Variants in OTOF observed in about 807,000 individuals in gnomAD.
OTOF encodes the protein otoferlin.
A neutral mutation model predicts 236.8 loss-of-function variants in OTOF; 218 were observed. The ratio of observed to expected loss-of-function variants is 0.92; its 90% CI spans 0.82 to 1.03. The LOEUF (loss-of-function observed/expected upper bound fraction) is 1.03. Among genes scored for constraint, OTOF ranks in the 50% least tolerant of loss-of-function variants. The pLI is 0.00. For missense variants in OTOF, 2,590 were observed against 2,694.4 expected (o/e 0.96, Z 0.86); for synonymous variants, 1,041 against 1,072.5 (o/e 0.97, Z 0.57).
At chr2:26,529,913 G>A (rs917913473) in intron 2 of OTOF, among the ~76,000 whole-genome samples, 9 of 152,226 alleles carry the variant, frequency 5.9e-5, no homozygotes, top group African/African-American at 1.9e-4. Flanking sequence ...CGGCCCACAG[G>A]CCTCATTCAG....
chr2:26,557,062 G>C (rs551235995), intron 1 of OTOF, among the ~76,000 whole-genome samples: 1 of 152,108 alleles, frequency 6.6e-6, no homozygotes, highest in Non-Finnish European at 1.5e-5. Context: ...CCTAACCTCC[G>C]CCTGCCGGCA....
chr2:26,472,481 G>A (rs773322638), intron 30 of OTOF, 38 bp downstream of exon 30: 20 of 1,612,718 alleles, frequency 1.2e-5, no homozygotes, highest in Admixed American at 3.3e-5. Context: ...GAAGTTGCAT[G>A]TTCCCAGCCA....
At chr2:26,518,569 G>A (rs1229748170) in intron 4 of OTOF, among the ~76,000 whole-genome samples, 1 of 152,254 alleles carries the variant, frequency 6.6e-6, no homozygotes, top group African/African-American at 2.4e-5. Context: ...GTGCACGCGT[G>A]CTCACGCAAA....
chr2:26,537,991 C>T (rs1667116274), intron 1 of OTOF, among the ~76,000 whole-genome samples: 2 of 152,212 alleles, frequency 1.3e-5, no homozygotes, highest in Admixed American at 6.5e-5. Flanking sequence ...GGGTCAAAGG[C>T]CATGAGTTCC....
intron 1 of OTOF, 135 bp downstream of exon 1, chr2:26,558,358 A>G (rs576289728): frequency 3.6e-5 from 27 of 757,484 alleles, no homozygotes; most frequent in Non-Finnish European, 5.5e-5. Flanking sequence ...ACCTGTGAAA[A>G]GGCTCGTCGC....
At position 26,467,044 on chromosome 2, in the gene OTOF, TG is replaced by T. The variant is rs3215308; in HGVS notation, c.4362+54del. The T allele has an allele frequency of 0.077, 99,773 of 1,301,636 alleles. 14,500 individuals carry two copies. Among genetic ancestry groups the T allele is most frequent in the African/African-American group, 0.62 (42,893 of 69,258 alleles). 80.6% of individuals were successfully genotyped at this position (1,301,636 alleles called of 1,614,324 possible). Reference sequence around the variant, plus strand: ...GGTGGGAGGTGAGTGGGGGAACCTGTGGGGGGGGCAAGGGCTGGCGGGTGCT... The same window carrying T: ...GGTGGGAGGTGAGTGGGGGAACCTGTGGGGGGGCAAGGGCTGGCGGGTGCT... On this transcript the variant is annotated intron_variant, in intron 35 of 46. Transcript: ENST00000272371.
Position 26,460,112 on chromosome 2 carries a change from C to A in OTOF, c.5907G>T (p.Leu1969=). 6.3e-7 allele frequency: 1 copy of A among 1,590,258 alleles called. No individual in the cohort carries two copies. Among genetic ancestry groups the A allele is most frequent in the East Asian group, 2.3e-5 (1 of 44,104 alleles). The change falls in exon 46 of 47, where the codon CTG becomes CTT. Residue 1969 remains leucine, a synonymous_variant. Coordinates refer to ENST00000272371, the MANE Select transcript of OTOF (RefSeq NM_194248.3). This position sits in a 1 kb window ranked among gnomAD's most constrained non-coding sequence, Gnocchi z 5.3. ...GGAGGAGCAGCAGCAGGAGCAGCAA[C>A]AGTTTGAGGAGCAGCCAGCGATACG... is the stretch of plus-strand genomic sequence containing the variant. ...WHTYRWLLLK[L]LLLLLLLLLL...
chr2:26,479,128 A>G, intron 18 of OTOF, 136 bp downstream of exon 18: 1 of 1,140,030 alleles, frequency 8.8e-7, no homozygotes, highest in Non-Finnish European at 1.2e-6. Context: ...GGGGCTGAGA[A>G]TGGGAACAGA....
At chr2:26,484,439 C>G (rs371481715) in intron 12 of OTOF, 35 bp downstream of exon 12, 7 of 1,613,080 alleles carry the variant, frequency 4.3e-6, no homozygotes, top group South Asian at 1.1e-5. Flanking sequence ...GAAGGGCTGG[C>G]TCAGACTCCA....
Position 26,462,236 on chromosome 2 carries a change from G to A in OTOF, c.5193-55C>T. 2 of 1,495,284 alleles carry A rather than the reference G, an allele frequency of 1.3e-6. No homozygotes were observed. The highest frequency in any genetic ancestry group is 1.1e-5 in the South Asian group (1 of 88,716). The allele number at this position is 1,495,284 out of a possible 1,614,324, so 92.6% of individuals were successfully genotyped here. A position where few individuals can be genotyped will look rare whatever the true frequency, so the allele number is the denominator to read the frequency against. On this transcript the variant is annotated intron_variant, in intron 41 of 46. Transcript: ENST00000272371. This position sits in a 1 kb window ranked among gnomAD's most constrained non-coding sequence, Gnocchi z 4.7. ...AGCCCCAGGTGGGGGTTATGCCAGG[G>A]TGCCAGGGCTGGGATGGGGCAGGCG...
At chr2:26,515,164 G>A (rs56131985) in intron 5 of OTOF, among the ~76,000 whole-genome samples, 11,681 of 152,312 alleles carry the variant, frequency 0.077, 480 homozygotes, top group African/African-American at 0.11. Context: ...CTTTGCAGGT[G>A]AGGAGAGAGG....
chr2:26,472,537 G>A lies in OTOF; in HGVS notation c.3846C>T (p.Thr1282=), dbSNP rs1207625275. Residue 1282 remains threonine, a synonymous_variant, in exon 30 of 47, where the codon ACC becomes ACT. Coordinates refer to ENST00000272371, the MANE Select transcript of OTOF (RefSeq NM_194248.3). ...GCCTTACCGCGTCCAGCTTCACCAT[G>A]GTCTCCAGTTTCTTGATGGGTACCT... ...EPEVPIKKLE[T]MVKLDATSEA... is the part of the protein sequence containing the mutation. The A allele has an allele frequency of 6.2e-7, 1 of 1,613,534 alleles. No individual in the cohort carries two copies. Among genetic ancestry groups the A allele is most frequent in the Non-Finnish European group, 8.5e-7 (1 of 1,180,024 alleles).
chr2:26,503,415 C>T (rs1029903302), intron 6 of OTOF, among the ~76,000 whole-genome samples: 1 of 152,260 alleles, frequency 6.6e-6, no homozygotes, highest in Admixed American at 6.5e-5. Flanking sequence ...CCGCCGACCC[C>T]GTACTAGTGG....
At chr2:26,546,562 G>T (rs1287667677) in intron 1 of OTOF, among the ~76,000 whole-genome samples, 2 of 151,868 alleles carry the variant, frequency 1.3e-5, no homozygotes, top group African/African-American at 4.8e-5. Flanking sequence ...TTTCAAGGCT[G>T]CTTTAGCTAT....
rs1432267133 is a variant in OTOF at position 26,480,206 on chromosome 2, T to C, written c.1909A>G (p.Ile637Val). The C allele has an allele frequency of 3.1e-6, 5 of 1,599,556 alleles. No homozygotes were observed. Among genetic ancestry groups the C allele is most frequent in the South Asian group, 2.2e-5 (2 of 90,802 alleles). ...CCCCCGTGGGCCCAGCACTCACCTA[T>C]GGTGACCTCAAAGGTGATGGGCTTG... Reference protein sequence around the residue: ...GDKPITFEVTIGNYGNEVDGL... With the variant: ...GDKPITFEVTVGNYGNEVDGL... The change falls in exon 16 of 47, where the codon ATA (isoleucine) becomes GTA (valine). Residue 637 changes from isoleucine to valine, a missense_variant. Physicochemically the swap from Ile to Val is conservative, Grantham distance 29. Transcript: ENST00000272371.
intron 32 of OTOF, among the ~76,000 whole-genome samples, chr2:26,469,376 C>G (rs778494918): frequency 6.6e-6 from 1 of 152,182 alleles, no homozygotes; most frequent in Non-Finnish European, 1.5e-5. Context: ...TGGTGGGAGA[C>G]GAGACTACCA....
At chr2:26,555,585 T>C (rs988323641) in intron 1 of OTOF, among the ~76,000 whole-genome samples, 1 of 151,400 alleles carries the variant, frequency 6.6e-6, no homozygotes, top group Non-Finnish European at 1.5e-5. Context: ...CGGGCAAAGC[T>C]GGTGCACACC....
intron 5 of OTOF, among the ~76,000 whole-genome samples, chr2:26,511,025 G>C (rs1431026403): frequency 6.6e-6 from 1 of 152,198 alleles, no homozygotes; most frequent in African/African-American, 2.4e-5. Flanking sequence ...ATACCTCAGG[G>C]CCTCAGCTCA....
chr2:26,515,212 G>A (rs1484786158), intron 5 of OTOF, among the ~76,000 whole-genome samples: 1 of 152,242 alleles, frequency 6.6e-6, no homozygotes, highest in Non-Finnish European at 1.5e-5. Flanking sequence ...CTAGTAAGAG[G>A]CAGAGCTAGG....
Sources: allele counts gnomAD v4.1 joint callset (sites outside exome capture counted in the v4.1 genomes callset), GRCh38; gene constraint gnomAD v4.1.1; non-coding constraint Gnocchi (gnomAD v3.1); transcripts MANE v1.5; gene names NCBI Gene and HGNC (gene_info 2026-07-23, HGNC 2026-07-21).